Variants in SHKBP1 observed in about 807,000 individuals in gnomAD.
The protein encoded by SHKBP1 is SH3KBP1 binding protein 1.
A neutral mutation model predicts 83.9 loss-of-function variants in SHKBP1; 71 were observed. That is an observed-to-expected ratio of 0.85 (90% CI 0.70 to 1.03). The LOEUF (loss-of-function observed/expected upper bound fraction) is 1.03. Among genes scored for constraint, SHKBP1 ranks in the 50% least tolerant of loss-of-function variants. SHKBP1 has a pLI of 0.00. For synonymous variants in SHKBP1, 371 were observed against 398.0 expected (o/e 0.93, Z 0.81); for missense variants, 824 against 982.4 (o/e 0.84, Z 2.16).
In SHKBP1 at chr19:40,591,222, A is replaced by G. The variant is rs201026449; in HGVS notation, c.*15A>G. On this transcript the variant is annotated 3_prime_UTR_variant, in exon 18 of 18. Coordinates refer to ENST00000291842, the MANE Select transcript of SHKBP1 (RefSeq NM_138392.4). ...CTTCCTTTTGAACAACGCAGCTGCC[A>G]TGATGCCTTGGGATGCCCTGGTCCT... 3.5e-5 allele frequency: 55 copies of G among 1,559,040 alleles called. 1 individual carries two copies. The highest frequency in any genetic ancestry group is 1.1e-4 in the South Asian group (9 of 83,924).
At position 40,580,427 on chromosome 19, in the gene SHKBP1, TG is replaced by T. The variant is rs1179558102; in HGVS notation, c.506del (p.Gly169AlafsTer46). ...RRSNTMPPNL[G>X]NAGLLGRMLD... ...GGAGCAACACGATGCCCCCCAACCT[TG>T]GCAATGCAGGGCTGCTGGGCCGAAT... On this transcript the variant is annotated frameshift_variant, in exon 7 of 18. Transcript: ENST00000291842. LOFTEE classifies it high-confidence loss of function. The T allele has an allele frequency of 1.9e-6, 3 of 1,613,994 alleles. No individual in the cohort carries two copies. In the African/African-American group the frequency reaches 4.0e-5, roughly 22 times the overall value.
chr19:40,591,296 G>A lies in SHKBP1; in HGVS notation c.*89G>A, dbSNP rs764700403. 379 of 1,155,810 alleles carry A rather than the reference G, an allele frequency of 3.3e-4. 1 individual carries two copies. Among genetic ancestry groups the A allele is most frequent in the Non-Finnish European group, 4.4e-4 (364 of 830,852 alleles). 71.6% of individuals were successfully genotyped at this position (1,155,810 alleles called of 1,614,324 possible). ...TTCCTGTGGGAACCCCGGGTTCAGG[G>A]CCAGGGCCTCCTTGGAATAAATGGT... On this transcript the variant is annotated 3_prime_UTR_variant, in exon 18 of 18. Coordinates refer to ENST00000291842, the MANE Select transcript of SHKBP1 (RefSeq NM_138392.4).
chr19:40,577,084 TC>T, intron 1 of SHKBP1, 99 bp downstream of exon 1: 1 of 975,906 alleles, frequency 1.0e-6, no homozygotes, highest in Non-Finnish European at 1.4e-6. Flanking sequence ...CAAGGGTTGC[TC>T]CGCCCCCCCC....
chr19:40,585,535 C>CTTTTTTTTTTTTTTTTTTTTTTTTT (rs34903711), intron 12 of SHKBP1: 18 of 132,900 alleles, frequency 1.4e-4, no homozygotes, highest in Non-Finnish European at 2.1e-4. Context: ...TTCTTTCTTT[C>CTTTTTTTTTTTTTTTTTTTTTTTTT]TTTTTTTTTT....
chr19:40,578,331 T>G (rs1359127869), intron 5 of SHKBP1, 119 bp downstream of exon 5: 5 of 1,456,478 alleles, frequency 3.4e-6, no homozygotes, highest in East Asian at 4.5e-5. Context: ...GAGGACTGGT[T>G]ATGGCCCTGG....
chr19:40,578,992 T>C (rs1458480949), intron 6 of SHKBP1, among the ~76,000 whole-genome samples: 3 of 152,106 alleles, frequency 2.0e-5, no homozygotes, highest in Non-Finnish European at 4.4e-5. Context: ...CAGCTTTATT[T>C]CCCTAACTGC....
chr19:40,580,295 T>G, intron 6 of SHKBP1, 29 bp from the exon 7 acceptor site: 3 of 1,595,228 alleles, frequency 1.9e-6, no homozygotes, highest in Non-Finnish European at 2.6e-6. Context: ...TTACAATGAC[T>G]GTTACTCTAC....
At position 40,590,645 on chromosome 19, in the gene SHKBP1, C is replaced by T; in HGVS notation, c.1769-85C>T. On this transcript the variant is annotated intron_variant, in intron 16 of 17. Coordinates refer to ENST00000291842, the MANE Select transcript of SHKBP1 (RefSeq NM_138392.4). The surrounding 1 kb of genome is among the most constrained non-coding windows in gnomAD (Gnocchi z 4.6). ...TCTGCTTCCTCTCTCCTGTCCTGACCCTCGGTGCTTGCACTGCAATGCAAC... is the reference window on the plus strand; with the variant it reads ...TCTGCTTCCTCTCTCCTGTCCTGACTCTCGGTGCTTGCACTGCAATGCAAC... The T allele has an allele frequency of 2.0e-6, 3 of 1,482,426 alleles. No homozygotes were observed. The highest frequency in any genetic ancestry group is 2.3e-5 in the East Asian group (1 of 43,648). 91.8% of individuals were successfully genotyped at this position (1,482,426 alleles called of 1,614,324 possible).
chr19:40,580,926 C>A lies in SHKBP1; in HGVS notation c.834C>A (p.Gly278=). The change falls in exon 9 of 18, where the codon GGC becomes GGA. Residue 278 remains glycine (G), a synonymous_variant. Coordinates refer to ENST00000291842, the MANE Select transcript of SHKBP1 (RefSeq NM_138392.4). ...GGGCTCTGCAGGCGGAAGGCGGTGGCTCCGAGATAGGTATGACCCCAAGCC... is the reference window on the plus strand; with the variant it reads ...GGGCTCTGCAGGCGGAAGGCGGTGGATCCGAGATAGGTATGACCCCAAGCC... ...LLWALQAEGG[G]SEIGVFHLGV... 6.4e-7 allele frequency: 1 copy of A among 1,566,948 alleles called. No individual in the cohort carries two copies. The highest frequency in any genetic ancestry group is 1.2e-5 in the South Asian group (1 of 85,116).
At chr19:40,588,178 A>G (rs2081327095) in intron 13 of SHKBP1, among the ~76,000 whole-genome samples, 2 of 152,252 alleles carry the variant, frequency 1.3e-5, no homozygotes, top group South Asian at 2.1e-4. Flanking sequence ...AACAGAGTAA[A>G]TGAGGGGGAG....
chr19:40,578,249 A>G, intron 5 of SHKBP1, 37 bp downstream of exon 5: 1 of 1,599,512 alleles, frequency 6.3e-7, no homozygotes, highest in South Asian at 1.1e-5. Context: ...CTCATTGTAT[A>G]GAAAACCAAC....
chr19:40,578,479 C>G lies in SHKBP1; in HGVS notation c.337C>G (p.Arg113Gly). The stretch of plus-strand genomic sequence containing the variant: ...TGTTGCAGTTCGTCGCCTGCAGCTT[C>G]GAGAGGAGTTGGATCGATCTTCTTG... ...LTPLVRRLQLREELDRSSCGN... is the reference protein window; with the variant it reads ...LTPLVRRLQLGEELDRSSCGN... Residue 113 changes from arginine to glycine, a missense_variant, in exon 6 of 18, where the codon CGA becomes GGA. This residue lies in a region of SHKBP1 where 355 missense variants were observed against 386.4 expected (regional missense o/e 0.92). Transcript: ENST00000291842. 6.2e-7 allele frequency: 1 copy of G among 1,614,136 alleles called. No individual in the cohort carries two copies. The highest frequency in any genetic ancestry group is 8.5e-7 in the Non-Finnish European group (1 of 1,180,020).
chr19:40,584,490 T>C (rs2081295911), intron 12 of SHKBP1, among the ~76,000 whole-genome samples: 2 of 152,218 alleles, frequency 1.3e-5, no homozygotes, highest in Admixed American at 1.3e-4. Context: ...GATTTTAGTA[T>C]ATTCACAAGG....
intron 4 of SHKBP1, 49 bp from the exon 5 acceptor site, chr19:40,578,105 G>A (rs2145975572): frequency 6.7e-7 from 1 of 1,495,210 alleles, no homozygotes; most frequent in Non-Finnish European, 9.3e-7. Context: ...AGCATTCTCT[G>A]TTCACCCCCA....
Position 40,588,731 on chromosome 19 carries a change from CTG to C in SHKBP1, c.1445_1446del (p.Leu482ArgfsTer14). 6.2e-7 allele frequency: 1 copy of C among 1,614,086 alleles called. No homozygotes were observed. Among genetic ancestry groups the C allele is most frequent in the Non-Finnish European group, 8.5e-7 (1 of 1,180,028 alleles). ...TPLASFKILA[L>X]ESADGHGGCS... is the part of the protein sequence containing the mutation. ...ACTCGCTTCCTTTAAGATCCTGGCT[CTG>C]GAGTCGGCAGATGGGCATGGCGGCT... is the stretch of plus-strand genomic sequence containing the variant. On this transcript the variant is annotated frameshift_variant, in exon 14 of 18. Transcript: ENST00000291842. LOFTEE classifies it high-confidence loss of function.
At chr19:40,578,641 G>A in intron 6 of SHKBP1, 99 bp downstream of exon 6, 1 of 1,036,200 alleles carries the variant, frequency 9.7e-7, no homozygotes, top group Non-Finnish European at 1.5e-6. Context: ...TGCGTCCTGA[G>A]ATACAGTGGG....
At chr19:40,583,823 G>A (rs2081290104) in intron 12 of SHKBP1, 106 bp downstream of exon 12, 2 of 819,982 alleles carry the variant, frequency 2.4e-6, no homozygotes, top group South Asian at 3.0e-5. Context: ...GTTTATCGAG[G>A]GGCGGCAGAT....
In SHKBP1 at chr19:40,583,405, A is replaced by T. The variant is rs1187276095; in HGVS notation, c.968A>T (p.Glu323Val). The T allele has an allele frequency of 6.3e-7, 1 of 1,581,720 alleles. No homozygotes were observed. The highest frequency in any genetic ancestry group is 8.6e-7 in the Non-Finnish European group (1 of 1,163,646). The change falls in exon 11 of 18, where the codon GAG becomes GTG. Residue 323 changes from glutamate (E) to valine (V), a missense_variant. Coordinates refer to ENST00000291842, the MANE Select transcript of SHKBP1 (RefSeq NM_138392.4). Reference sequence around the variant, plus strand: ...GTCCTGCCCCACCCCCAGGTCCAGGAGGTGCAGCCCATCACCAGTTATGAC... The same window carrying T: ...GTCCTGCCCCACCCCCAGGTCCAGGTGGTGCAGCCCATCACCAGTTATGAC... ...NAVTKHWQVQ[E>V]VQPITSYDAA...
In SHKBP1 at chr19:40,591,035, C is replaced by T. The variant is rs555012951; in HGVS notation, c.1952C>T (p.Pro651Leu). The change falls in exon 18 of 18, where the codon CCG becomes CTG. Residue 651 changes from proline to leucine, a missense_variant. Pro to Leu is a moderately conservative substitution (Grantham distance 98). Around this residue, in one of 3 missense-constraint regions of SHKBP1, gnomAD observed 287 missense variants for 322.9 expected, o/e 0.89. Coordinates refer to ENST00000291842, the MANE Select transcript of SHKBP1 (RefSeq NM_138392.4). Reference protein sequence around the residue: ...LSGHRGSPSPPQAEARRRGGG... With the variant: ...LSGHRGSPSPLQAEARRRGGG... The stretch of plus-strand genomic sequence containing the variant: ...GGCCACCGTGGGAGCCCAAGCCCCC[C>T]GCAGGCTGAGGCCCGGCGCCGTGGT... The T allele has an allele frequency of 4.0e-5, 64 of 1,612,946 alleles. No homozygotes were observed. The South Asian group carries it at 4.2e-4, about 11-fold the overall frequency.
Sources: gnomAD v4.1 joint callset for allele counts (sites outside exome capture counted in the v4.1 genomes callset) on GRCh38, gnomAD v4.1.1 for gene constraint, gnomAD v4.1.1 regional missense constraint, Gnocchi (gnomAD v3.1) non-coding constraint, MANE v1.5 for transcripts, NCBI Gene and HGNC (gene_info 2026-07-23, HGNC 2026-07-21) for gene names.